Variants in ARFIP1 observed in about 807,000 individuals in gnomAD.
ARFIP1 encodes ARF interacting protein 1.
ARFIP1 carries 24 observed loss-of-function variants against 42.5 expected under a neutral mutation model. The ratio of observed to expected loss-of-function variants is 0.57; its 90% CI spans 0.41 to 0.80. The LOEUF is 0.80. Among genes scored for constraint, ARFIP1 ranks in the 30% least tolerant of loss-of-function variants. ARFIP1 has a pLI of 0.00. For missense variants in ARFIP1, 354 were observed against 434.0 expected (o/e 0.82, Z 1.64); for synonymous variants, 141 against 153.7 (o/e 0.92, Z 0.61).
chr4:152,901,686 C>A (rs532192457), intron 8 of ARFIP1, among the ~76,000 whole-genome samples: 4 of 152,078 alleles, frequency 2.6e-5, no homozygotes, highest in Non-Finnish European at 2.9e-5. Flanking sequence ...CTCTGCCTTT[C>A]TGTTGTATTA....
chr4:152,788,300 G>A (rs1023112803), intron 1 of ARFIP1, among the ~76,000 whole-genome samples: 4 of 152,204 alleles, frequency 2.6e-5, no homozygotes, highest in Non-Finnish European at 5.9e-5. Flanking sequence ...ACACTATTTT[G>A]TAATAGACCC....
intron 5 of ARFIP1, among the ~76,000 whole-genome samples, chr4:152,875,169 A>G (rs2149886822): frequency 6.6e-6 from 1 of 152,264 alleles, no homozygotes; most frequent in South Asian, 2.1e-4. Context: ...TAATAGGAGC[A>G]ATTTTAGGTT....
chr4:152,909,951 C>A (rs1738701578), intron 8 of ARFIP1, 113 bp from the exon 9 acceptor site: 1 of 1,357,514 alleles, frequency 7.4e-7, no homozygotes, highest in Admixed American at 2.2e-5. Flanking sequence ...CATTATTAAG[C>A]CAGCTTTTCT....
intron 1 of ARFIP1, among the ~76,000 whole-genome samples, chr4:152,802,494 A>C (rs1728503399): frequency 6.6e-6 from 1 of 152,212 alleles, no homozygotes; most frequent in Non-Finnish European, 1.5e-5. Flanking sequence ...ATTTCACAGT[A>C]CTTTTTATTG....
chr4:152,879,243 G>T (rs983441969), intron 5 of ARFIP1, among the ~76,000 whole-genome samples: 2 of 151,902 alleles, frequency 1.3e-5, no homozygotes, highest in African/African-American at 4.8e-5. Flanking sequence ...GTGTTGGGAA[G>T]TAGAAAAATA....
intron 8 of ARFIP1, among the ~76,000 whole-genome samples, chr4:152,891,202 G>A (rs1412080810): frequency 1.3e-5 from 2 of 152,210 alleles, no homozygotes; most frequent in South Asian, 4.1e-4. Flanking sequence ...TTCAGCATTT[G>A]AATTTGGCAG....
At chr4:152,873,615 T>C (rs1171897793) in intron 5 of ARFIP1, among the ~76,000 whole-genome samples, 2 of 152,186 alleles carry the variant, frequency 1.3e-5, no homozygotes, top group Admixed American at 6.5e-5. Flanking sequence ...TGATTCCACA[T>C]AGCCAGTCAG....
intron 1 of ARFIP1, among the ~76,000 whole-genome samples, chr4:152,812,075 T>C (rs1729511754): frequency 6.6e-6 from 1 of 152,246 alleles, no homozygotes; most frequent in Non-Finnish European, 1.5e-5. Flanking sequence ...CGGTTTTTTA[T>C]TTAAAGTCAC....
At chr4:152,872,147 T>C (rs957860530) in intron 4 of ARFIP1, among the ~76,000 whole-genome samples, 3 of 152,170 alleles carry the variant, frequency 2.0e-5, no homozygotes, top group African/African-American at 7.2e-5. Flanking sequence ...TTTATTTTTC[T>C]TGAAGTAAGC....
Position 152,871,536 on chromosome 4 carries a change from G to A in ARFIP1, c.298+688G>A, listed in dbSNP as rs563625088. Among the ~76,000 whole-genome samples, 115 of 151,920 alleles carry A rather than the reference G, an allele frequency of 7.6e-4. 1 individual carries two copies. In the South Asian group the frequency reaches 0.023, roughly 31 times the overall value. On this transcript the variant is annotated intron_variant, in intron 4 of 8. Coordinates refer to ENST00000353617, the MANE Select transcript of ARFIP1 (RefSeq NM_001025595.3). ...TATTTTATATACCATTCTTGTTCTC[G>A]GACTGGTAAAGCTATGGGAAAGATT... is the stretch of plus-strand genomic sequence containing the variant.
At chr4:152,866,468 C>CCCGGACGGGGCAGCTGG (rs1734354372) in intron 3 of ARFIP1, among the ~76,000 whole-genome samples, 2 of 151,784 alleles carry the variant, frequency 1.3e-5, no homozygotes, top group Non-Finnish European at 2.9e-5. Context: ...CCCCTCACCT[C>CCCGGACGGGGCAGCTGG]CCGGACGGGG....
intron 4 of ARFIP1, 58 bp downstream of exon 4, chr4:152,870,906 T>A: frequency 1.4e-6 from 2 of 1,413,346 alleles, no homozygotes; most frequent in Non-Finnish European, 2.0e-6. Context: ...CTACACTAAT[T>A]TACTCAGTTT....
intron 1 of ARFIP1, among the ~76,000 whole-genome samples, chr4:152,823,097 GA>G (rs890088818): frequency 6.6e-6 from 1 of 151,550 alleles, no homozygotes; most frequent in African/African-American, 2.4e-5. Flanking sequence ...AAATATCAGT[GA>G]AAAAAAAGCT....
At chr4:152,810,566 C>T (rs917014855) in intron 1 of ARFIP1, among the ~76,000 whole-genome samples, 1 of 151,664 alleles carries the variant, frequency 6.6e-6, no homozygotes, top group Non-Finnish European at 1.5e-5. Flanking sequence ...GGCAGTATTT[C>T]GGGAGGCTGA....
intron 5 of ARFIP1, among the ~76,000 whole-genome samples, chr4:152,879,926 A>G (rs1036819782): frequency 5.9e-5 from 9 of 152,214 alleles, no homozygotes; most frequent in Non-Finnish European, 8.8e-5. Context: ...ACATTTAATG[A>G]TGAGGTATAT....
At chr4:152,878,807 T>C (rs936133247) in intron 5 of ARFIP1, among the ~76,000 whole-genome samples, 1 of 152,168 alleles carries the variant, frequency 6.6e-6, no homozygotes, top group African/African-American at 2.4e-5. Flanking sequence ...AAACAATCCT[T>C]CTTCAATGAA....
chr4:152,816,547 A>G (rs1253826579), intron 1 of ARFIP1, among the ~76,000 whole-genome samples: 4 of 152,218 alleles, frequency 2.6e-5, no homozygotes, highest in African/African-American at 9.6e-5. Flanking sequence ...TGACCACCAT[A>G]TCTAAAACAG....
At position 152,805,230 on chromosome 4, in the gene ARFIP1, C is replaced by A. The variant is rs141215468; in HGVS notation, c.-9-24395C>A. 1.6e-3 allele frequency among the ~76,000 whole-genome samples: 247 copies of A among 152,314 alleles called. 1 individual carries two copies. Among genetic ancestry groups the A allele is most frequent in the African/African-American group, 5.8e-3 (239 of 41,552 alleles). ...AGACCATATTCCATTTATCTACTTC[C>A]TGATTGTAAATCTGATGTCAAGGTC... is the stretch of plus-strand genomic sequence containing the variant. On this transcript the variant is annotated intron_variant, in intron 1 of 8. Transcript: ENST00000353617.
At chr4:152,876,586 A>G (rs1735352071) in intron 5 of ARFIP1, among the ~76,000 whole-genome samples, 1 of 152,222 alleles carries the variant, frequency 6.6e-6, no homozygotes, top group African/African-American at 2.4e-5. Context: ...AGAAAAACCC[A>G]TTTTGGGGGA....
Sources: allele counts gnomAD v4.1 joint callset (sites outside exome capture counted in the v4.1 genomes callset), GRCh38; gene constraint gnomAD v4.1.1; transcripts MANE v1.5; gene names NCBI Gene and HGNC (gene_info 2026-07-23, HGNC 2026-07-21).